Variants in KCTD2 observed in about 807,000 individuals in gnomAD.
KCTD2 encodes potassium channel tetramerization domain containing 2.
Under a neutral mutation model 27.9 loss-of-function variants are expected in KCTD2, and 18 were observed. That is an observed-to-expected ratio of 0.64 (90% confidence interval 0.45 to 0.96). The LOEUF is 0.96. Ranked by LOEUF, KCTD2 falls within the 40% of genes least tolerant of loss-of-function variation. The probability of loss-of-function intolerance (pLI) is 0.00; values close to 1 mark genes in which losing one functional copy is unlikely to be tolerated. For synonymous variants in KCTD2, 175 were observed against 148.4 expected (o/e 1.18, Z -1.30); for missense variants, 280 against 348.0 (o/e 0.80, Z 1.56).
chr17:75,061,735 T>A (rs2073405456), intron 4 of KCTD2, among the ~76,000 whole-genome samples: 1 of 152,210 alleles, frequency 6.6e-6, no homozygotes, highest in African/African-American at 2.4e-5. Flanking sequence ...GTCCCCAGTC[T>A]AGGGCTTCTG....
At position 75,047,242 on chromosome 17, in the gene KCTD2, C is replaced by A. The variant is rs12952376; in HGVS notation, c.-9C>A. The A allele has an allele frequency of 1.3e-5, 10 of 765,240 alleles. No homozygotes were observed. Among genetic ancestry groups the A allele is most frequent in the South Asian group, 4.1e-5 (1 of 24,584 alleles). The allele number at this position is 765,240 out of a possible 1,614,324, so 47.4% of individuals were successfully genotyped here. On this transcript the variant is annotated 5_prime_UTR_variant, in exon 1 of 6. Transcript: ENST00000322444. ...GCGCGGGCAGCAGCGGTGGCGGCGG[C>A]GGTCCAAGATGGCGGAACTGCAGCT...
At chr17:75,043,109 T>C (rs1347090021), upstream of KCTD2, among the ~76,000 whole-genome samples, 1 of 149,760 alleles carries the variant, frequency 6.7e-6, no homozygotes. Context: ...TAATCCCAGC[T>C]ACTCCAGAGG....
At chr17:75,035,144 C>T (rs762596851) in intron 2 of KCTD2, 1 of 152,126 alleles carries the variant, frequency 6.6e-6, no homozygotes, top group African/African-American at 2.4e-5. Context: ...AGGCGTCTGA[C>T]TTCGGATCAG....
upstream of KCTD2, among the ~76,000 whole-genome samples, chr17:75,044,024 T>C (rs1020595248): frequency 1.2e-5 from 1 of 86,546 alleles, no homozygotes; most frequent in Admixed American, 9.5e-5. Flanking sequence ...CGTTGTGCAC[T>C]TTTTTTTTTT....
At chr17:75,045,161 A>C (rs1311686471), upstream of KCTD2, among the ~76,000 whole-genome samples, 1 of 152,246 alleles carries the variant, frequency 6.6e-6, no homozygotes, top group Non-Finnish European at 1.5e-5. Context: ...CACAAAAACC[A>C]GCAAGTTTTT....
At chr17:75,048,192 G>T (rs1424479188) in intron 1 of KCTD2, among the ~76,000 whole-genome samples, 1 of 152,150 alleles carries the variant, frequency 6.6e-6, no homozygotes, top group Non-Finnish European at 1.5e-5. Flanking sequence ...ACTGTTTGCC[G>T]CTGCAAATCT....
In KCTD2 at chr17:75,047,392, G is replaced by T; in HGVS notation, c.142G>T (p.Ala48Ser). The change falls in exon 1 of 6, where the codon GCT (alanine) becomes TCT (serine). Residue 48 changes from alanine (A) to serine (S), a missense_variant. Physicochemically the swap from Ala to Ser is moderately conservative, Grantham distance 99. Transcript: ENST00000322444. ...GPTPRGHGRPAAAVAQPLEPG... is the reference protein window; with the variant it reads ...GPTPRGHGRPSAAVAQPLEPG... Reference sequence around the variant, plus strand: ...CACGCCCCGCGGGCACGGCCGCCCGGCTGCCGCCGTCGCGCAGCCGCTGGA... The same window carrying T: ...CACGCCCCGCGGGCACGGCCGCCCGTCTGCCGCCGTCGCGCAGCCGCTGGA... The T allele has an allele frequency of 8.7e-7, 1 of 1,151,272 alleles. No individual in the cohort carries two copies. The highest frequency in any genetic ancestry group is 1.1e-6 in the Non-Finnish European group (1 of 937,278). The allele number at this position is 1,151,272 out of a possible 1,614,324, so 71.3% of individuals were successfully genotyped here. A position where few individuals can be genotyped will look rare whatever the true frequency, so the allele number is the denominator to read the frequency against.
In KCTD2 at chr17:75,063,408, G is replaced by T. The variant is rs940795049; in HGVS notation, c.*361G>T. ...TGGAAATGGCCTGTACTTTAAGGAC[G>T]CTGGAGCCAAGAGGATTGTTCCCGT... On this transcript the variant is annotated 3_prime_UTR_variant, in exon 6 of 6. Coordinates refer to ENST00000322444, the MANE Select transcript of KCTD2 (RefSeq NM_015353.3). 1.1e-5 allele frequency: 3 copies of T among 284,992 alleles called. No homozygotes were observed. Among genetic ancestry groups the T allele is most frequent in the African/African-American group, 4.3e-5 (2 of 46,900 alleles). The allele number at this position is 284,992 out of a possible 1,614,324, so 17.7% of individuals were successfully genotyped here.
chr17:75,049,070 G>GTGACAAATGTT (rs2073259072), intron 1 of KCTD2, 150 bp from the exon 2 acceptor site: 2 of 537,552 alleles, frequency 3.7e-6, no homozygotes, highest in South Asian at 5.9e-5. Flanking sequence ...TGACAAATGT[G>GTGACAAATGTT]TAACAAAATT....
At position 75,032,742 on chromosome 17, in the gene KCTD2, G is replaced by A. The variant is rs536163163; in HGVS notation, c.-470+18G>A. On this transcript the variant is annotated intron_variant, in intron 1 of 7. Coordinates refer to the KCTD2 transcript ENST00000581589. The surrounding 1 kb of genome is among the most constrained non-coding windows in gnomAD (Gnocchi z 4.8). ...TGAGCAAGGCAAGGCTGAGCCCCGG[G>A]CGGGCGGGTTGGGGGAACATGCCTA... 7 of 152,078 alleles carry A rather than the reference G, an allele frequency of 4.6e-5. No homozygotes were observed. Among genetic ancestry groups the A allele is most frequent in the African/African-American group, 7.3e-5 (3 of 41,360 alleles). The allele number at this position is 152,078 out of a possible 1,614,324, so 9.4% of individuals were successfully genotyped here.
intron 3 of KCTD2, among the ~76,000 whole-genome samples, chr17:75,055,198 G>T (rs1040071901): frequency 6.6e-6 from 1 of 151,890 alleles, no homozygotes; most frequent in East Asian, 2.0e-4. Context: ...GTGATTACAG[G>T]TGTGTGCCAC....
At chr17:75,060,452 G>A in intron 4 of KCTD2, 1 of 1,609,498 alleles carries the variant, frequency 6.2e-7, no homozygotes. Flanking sequence ...TCTAACATAA[G>A]CCTTCCAAGG....
At chr17:75,040,295 T>C (rs946810608) in intron 3 of KCTD2, 13 of 1,033,874 alleles carry the variant, frequency 1.3e-5, no homozygotes, top group Middle Eastern at 6.2e-4. Flanking sequence ...CTGAAAGACA[T>C]TCTGTGTCCC....
chr17:75,060,348 A>G lies in KCTD2; in HGVS notation c.636+743A>G. 2.4e-6 allele frequency: 3 copies of G among 1,274,218 alleles called. No homozygotes were observed. In the South Asian group the frequency reaches 4.8e-5, roughly 20 times the overall value. 78.9% of individuals were successfully genotyped at this position (1,274,218 alleles called of 1,614,324 possible). On this transcript the variant is annotated intron_variant, in intron 4 of 5. Coordinates refer to ENST00000322444, the MANE Select transcript of KCTD2 (RefSeq NM_015353.3). ...CCCACAAGCTGTGGTGTCCACTGGA[A>G]AAATGTAGTCCTTGATATTTCTATT... is the stretch of plus-strand genomic sequence containing the variant.
Position 75,053,052 on chromosome 17 carries a change from CT to C in KCTD2, c.489del (p.Val164CysfsTer20). On this transcript the variant is annotated frameshift_variant, in exon 3 of 6. Coordinates refer to ENST00000322444, the MANE Select transcript of KCTD2 (RefSeq NM_015353.3). LOFTEE classifies it high-confidence loss of function. ...AGCGGAGTTTTACAACATCGCGTCCCTTGTGCGGCTGGTTAAGGAAAGGATA... is the reference window on the plus strand; with the variant it reads ...AGCGGAGTTTTACAACATCGCGTCCCTGTGCGGCTGGTTAAGGAAAGGATA... The part of the protein sequence containing the change: ...EEAEFYNIAS[L>X]VRLVKERIRD... The C allele has an allele frequency of 6.2e-7, 1 of 1,614,094 alleles. No homozygotes were observed. Among genetic ancestry groups the C allele is most frequent in the Non-Finnish European group, 8.5e-7 (1 of 1,179,996 alleles).
rs763675074 is a variant in KCTD2 at position 75,062,143 on chromosome 17, T to C, written c.660T>C (p.Tyr220=). 8.5e-5 allele frequency: 137 copies of C among 1,613,962 alleles called. 1 individual carries two copies. Among genetic ancestry groups the C allele is most frequent in the Non-Finnish European group, 1.1e-4 (130 of 1,179,930 alleles). The change falls in exon 5 of 6, where the codon TAT becomes TAC. Residue 220 remains tyrosine (Y), a synonymous_variant. Transcript: ENST00000322444. The stretch of plus-strand genomic sequence containing the variant: ...AGCTCATCAGCATCGGATCTTCCTA[T>C]AACTACGGCAATGAGGATCAGGCAG... ...FEQLISIGSS[Y]NYGNEDQAEF...
intron 5 of KCTD2, among the ~76,000 whole-genome samples, chr17:75,062,755 C>T (rs1414638345): frequency 6.8e-6 from 1 of 147,922 alleles, no homozygotes; most frequent in Non-Finnish European, 1.5e-5. Flanking sequence ...GCTTCTAAAT[C>T]GTGGATACCA....
intron 3 of KCTD2, chr17:75,040,400 G>A (rs1022660520): frequency 2.7e-4 from 142 of 522,934 alleles, no homozygotes; most frequent in Non-Finnish European, 1.5e-4. Flanking sequence ...TCACTAACTC[G>A]GAACCCTGGA....
At chr17:75,041,964 C>A in intron 3 of KCTD2, 1 of 458,464 alleles carries the variant, frequency 2.2e-6, no homozygotes, top group East Asian at 3.6e-5. Context: ...AGCCCTCTGG[C>A]TCCCAGATTA....
Sources: gnomAD v4.1 joint callset for allele counts (sites outside exome capture counted in the v4.1 genomes callset) on GRCh38, gnomAD v4.1.1 for gene constraint, Gnocchi (gnomAD v3.1) non-coding constraint, MANE v1.5 for transcripts, NCBI Gene and HGNC (gene_info 2026-07-23, HGNC 2026-07-21) for gene names.